The following RBBP6 variants were observed in gnomAD, a reference collection of about 807,000 sequenced individuals.
RBBP6 encodes the protein RB binding protein 6, ubiquitin ligase.
A neutral mutation model predicts 167.7 loss-of-function variants in RBBP6; 25 were observed. The ratio of observed to expected loss-of-function variants is 0.15; its 90% CI spans 0.11 to 0.21. The LOEUF (loss-of-function observed/expected upper bound fraction) is 0.21. RBBP6 is among the 10% of genes least tolerant of loss of function. The pLI, the probability that RBBP6 is intolerant of heterozygous loss-of-function variation, is 1.00. For synonymous variants in RBBP6, 789 were observed against 735.8 expected, an observed-to-expected ratio of 1.07 and a Z score of -1.17; for missense variants, 1,868 against 2,134.2, an observed-to-expected ratio of 0.88 and a Z score of 2.46.
intron 2 of RBBP6, among the ~76,000 whole-genome samples, chr16:24,547,288 T>C (rs1001138118): frequency 1.3e-5 from 2 of 152,230 alleles, no homozygotes; most frequent in African/African-American, 2.4e-5. Flanking sequence ...TTATATTCCA[T>C]ATCTTAACAC....
At chr16:24,543,464 T>A (rs777470908) in intron 1 of RBBP6, among the ~76,000 whole-genome samples, 27 of 152,030 alleles carry the variant, frequency 1.8e-4, no homozygotes, top group Admixed American at 3.3e-4. Context: ...TTGTAATTTT[T>A]TTTTATTTTA....
At chr16:24,542,457 T>C (rs10431902) in intron 1 of RBBP6, among the ~76,000 whole-genome samples, 12,589 of 93,696 alleles carry the variant, frequency 0.13, 628 homozygotes, top group Non-Finnish European at 0.18. Flanking sequence ...TGAATGCAGC[T>C]TTTTTTTTTT....
intron 1 of RBBP6, among the ~76,000 whole-genome samples, chr16:24,543,118 T>G (rs185335758): frequency 6.6e-6 from 1 of 152,276 alleles, no homozygotes; most frequent in Admixed American, 6.5e-5. Flanking sequence ...CCATTTGGTT[T>G]TAGCACCGAT....
intron 3 of RBBP6, among the ~76,000 whole-genome samples, chr16:24,550,586 ATTTCC>A (rs1898774265): frequency 6.6e-6 from 1 of 151,550 alleles, no homozygotes; most frequent in Non-Finnish European, 1.5e-5. Flanking sequence ...GAAAACAGTT[ATTTCC>A]TTTTTGTTTA....
At position 24,567,213 on chromosome 16, in the gene RBBP6, C is replaced by A. The variant is rs1438985634; in HGVS notation, c.1660C>A (p.Pro554Thr). 6.2e-7 allele frequency: 1 copy of A among 1,613,914 alleles called. No individual in the cohort carries two copies. The highest frequency in any genetic ancestry group is 1.3e-5 in the African/African-American group (1 of 74,928). Reference protein sequence around the residue: ...RTQGPSLPATPVFVPVPPPPL... With the variant: ...RTQGPSLPATTVFVPVPPPPL... ...TCAAGGCCCGTCACTACCAGCAACT[C>A]CAGTCTTTGTACCTGTTCCACCACC... Residue 554 changes from proline (P) to threonine (T), a missense_variant, in exon 15 of 18, where the codon CCA (proline) becomes ACA (threonine). This residue lies in a region of RBBP6 where 145 missense variants were observed against 224.3 expected (regional missense o/e 0.65). Coordinates refer to ENST00000319715, the MANE Select transcript of RBBP6 (RefSeq NM_006910.5).
At chr16:24,562,651 T>C (rs1899093509) in intron 10 of RBBP6, among the ~76,000 whole-genome samples, 1 of 151,652 alleles carries the variant, frequency 6.6e-6, no homozygotes, top group African/African-American at 2.4e-5. Flanking sequence ...AAATGAGACT[T>C]TTGTCCATGT....
chr16:24,553,314 A>G, intron 3 of RBBP6, 199 bp from the exon 4 acceptor site: 1 of 473,954 alleles, frequency 2.1e-6, no homozygotes, highest in Non-Finnish European at 3.8e-6. Context: ...CCTCCCCTCC[A>G]ACTGATAGCT....
intron 8 of RBBP6, among the ~76,000 whole-genome samples, chr16:24,561,294 T>C (rs1191511159): frequency 7.2e-5 from 11 of 152,002 alleles, no homozygotes; most frequent in Admixed American, 7.2e-4. Context: ...CTTGCTATTT[T>C]GCCCCAGGCT....
At chr16:24,570,545 A>G in intron 17 of RBBP6, 46 bp downstream of exon 17, 3 of 1,458,278 alleles carry the variant, frequency 2.1e-6, no homozygotes, top group Non-Finnish European at 9.1e-7. Flanking sequence ...TGGGAGAAGG[A>G]TTTTCTTCAG....
At chr16:24,541,570 C>A (rs1441066727) in intron 1 of RBBP6, among the ~76,000 whole-genome samples, 2 of 152,106 alleles carry the variant, frequency 1.3e-5, no homozygotes, top group Non-Finnish European at 2.9e-5. Flanking sequence ...TACTAAGGTA[C>A]TGAAAAATAG....
At position 24,571,322 on chromosome 16, in the gene RBBP6, G is replaced by A; in HGVS notation, c.4256G>A (p.Arg1419Lys). Reference protein sequence around the residue: ...SVLEKENPEKRKNSTQPEKES... With the variant: ...SVLEKENPEKKKNSTQPEKES... The stretch of plus-strand genomic sequence containing the variant: ...TTGGAAAAGGAGAACCCTGAAAAGA[G>A]GAAGAACAGCACTCAGCCAGAGAAA... Residue 1419 changes from arginine to lysine, a missense_variant, in exon 18 of 18, where the codon AGG becomes AAG. Arg to Lys is a conservative substitution (Grantham distance 26). Around this residue, in one of 7 missense-constraint regions of RBBP6, gnomAD observed 591 missense variants for 540.5 expected, o/e 1.09. Transcript: ENST00000319715. 1 of 1,614,100 alleles carries A rather than the reference G, an allele frequency of 6.2e-7. No individual in the cohort carries two copies. The highest frequency in any genetic ancestry group is 8.5e-7 in the Non-Finnish European group (1 of 1,180,014).
chr16:24,564,678 G>A (rs1899150580), intron 13 of RBBP6, 119 bp from the exon 14 acceptor site: 2 of 1,284,752 alleles, frequency 1.6e-6, no homozygotes, highest in South Asian at 2.1e-5. Flanking sequence ...TTAAGAACTG[G>A]GGAGTAGGAA....
At chr16:24,546,604 T>A (rs1898659496) in intron 2 of RBBP6, among the ~76,000 whole-genome samples, 1 of 152,182 alleles carries the variant, frequency 6.6e-6, no homozygotes, top group African/African-American at 2.4e-5. Flanking sequence ...CTACAAAAAT[T>A]TGGTGTTGTA....
chr16:24,571,113 A>G lies in RBBP6; in HGVS notation c.4047A>G (p.Ile1349Met). ...ISSVGKPASV[I>M]KNVSTKPSNI... ...GTGTAGGAAAACCTGCTAGTGTTATAAAAAATGTTAGTACAAAGCCATCAA... is the reference window on the plus strand; with the variant it reads ...GTGTAGGAAAACCTGCTAGTGTTATGAAAAATGTTAGTACAAAGCCATCAA... Residue 1349 changes from isoleucine (I) to methionine (M), a missense_variant, in exon 18 of 18, where the codon ATA (isoleucine) becomes ATG (methionine). Around this residue, in one of 7 missense-constraint regions of RBBP6, gnomAD observed 591 missense variants for 540.5 expected, o/e 1.09. Transcript: ENST00000319715. 1.2e-6 allele frequency: 2 copies of G among 1,612,828 alleles called. No individual in the cohort carries two copies. Among genetic ancestry groups the G allele is most frequent in the Non-Finnish European group, 1.7e-6 (2 of 1,179,264 alleles).
chr16:24,564,913 A>G lies in RBBP6; in HGVS notation c.1589+48A>G, dbSNP rs769952192. ...AAAATAATCATCTTATTTTTTATATATATATCTCACCAAAGAAATTAAAGC... is the reference window on the plus strand; with the variant it reads ...AAAATAATCATCTTATTTTTTATATGTATATCTCACCAAAGAAATTAAAGC... On this transcript the variant is annotated intron_variant, in intron 14 of 17. Coordinates refer to ENST00000319715, the MANE Select transcript of RBBP6 (RefSeq NM_006910.5). The G allele has an allele frequency of 1.5e-5, 24 of 1,564,978 alleles. 1 individual carries two copies. Among genetic ancestry groups the G allele is most frequent in the South Asian group, 2.4e-5 (2 of 84,620 alleles).
intron 8 of RBBP6, among the ~76,000 whole-genome samples, chr16:24,561,241 T>C (rs1899046760): frequency 6.6e-6 from 1 of 151,766 alleles, no homozygotes; most frequent in Non-Finnish European, 1.5e-5. Context: ...TGCTCTCAAT[T>C]CAGACATTTG....
intron 7 of RBBP6, among the ~76,000 whole-genome samples, chr16:24,559,066 A>C (rs571884680): frequency 6.6e-6 from 1 of 152,206 alleles, no homozygotes; most frequent in African/African-American, 2.4e-5. Context: ...TGGGTTATGG[A>C]GAAGGGGAGA....
At chr16:24,560,109 TTG>T (rs1350861986) in intron 8 of RBBP6, among the ~76,000 whole-genome samples, 4,012 of 92,610 alleles carry the variant, frequency 0.043, 197 homozygotes, top group African/African-American at 0.11. Flanking sequence ...TAGACAGTTT[TTG>T]TTTTTTTTTT....
Position 24,562,003 on chromosome 16 carries a change from A to G in RBBP6, c.1131A>G (p.Ser377=), listed in dbSNP as rs138110315. Residue 377 remains serine, a synonymous_variant, in exon 10 of 18, where the codon TCA becomes TCG. Coordinates refer to ENST00000319715, the MANE Select transcript of RBBP6 (RefSeq NM_006910.5). ...TTATGATTCCAGTGACATCTTCATC[A>G]ACTCACCCAGCTCCGTCTATATCTT... ...DPLMIPVTSS[S]THPAPSISSL... 4.5e-5 allele frequency: 72 copies of G among 1,613,482 alleles called. No individual in the cohort carries two copies. Among genetic ancestry groups the G allele is most frequent in the Non-Finnish European group, 5.8e-5 (68 of 1,179,756 alleles).
Sources: allele counts gnomAD v4.1 joint callset (sites outside exome capture counted in the v4.1 genomes callset), GRCh38; gene constraint gnomAD v4.1.1; regional missense constraint gnomAD v4.1.1; transcripts MANE v1.5; gene names NCBI Gene and HGNC (gene_info 2026-07-23, HGNC 2026-07-21).